CALHM3: variants seen among roughly 807,000 people sequenced by gnomAD.
The protein encoded by CALHM3 is calcium homeostasis modulator 3, also known as calcium homeostasis modulator protein 3.
In CALHM3, 9 loss-of-function variants were observed where a neutral mutation model predicts 13.6. That is an observed-to-expected ratio of 0.66 (90% CI 0.40 to 1.15). CALHM3 has a LOEUF of 1.15. Ranked by LOEUF, CALHM3 falls within the 50% of genes most tolerant of loss-of-function variation. The pLI, the probability that CALHM3 is intolerant of heterozygous loss-of-function variation, is 0.01. For synonymous variants in CALHM3, 231 were observed against 213.2 expected (o/e 1.08, Z -0.73); for missense variants, 497 against 463.4 (o/e 1.07, Z -0.67).
At position 103,478,777 on chromosome 10, in the gene CALHM3, C is replaced by A; in HGVS notation, c.256G>T (p.Gly86Trp). ...VMVEEWRRPA[G>W]HRRKDPGIIR... is the part of the protein sequence containing the mutation. ...ATGCCTGGGTCCTTCCTCCGGTGCC[C>A]TGCGGGCCGGCGCCACTCCTCGACC... Residue 86 changes from glycine (G) to tryptophan (W), a missense_variant, in exon 1 of 3, where the codon GGG becomes TGG. Coordinates refer to ENST00000369783, the MANE Select transcript of CALHM3 (RefSeq NM_001129742.2). The A allele has an allele frequency of 6.5e-7, 1 of 1,545,808 alleles. No individual in the cohort carries two copies. The highest frequency in any genetic ancestry group is 8.7e-7 in the Non-Finnish European group (1 of 1,143,790).
chr10:103,474,287 A>G (rs190814666), intron 2 of CALHM3, among the ~76,000 whole-genome samples: 1 of 151,878 alleles, frequency 6.6e-6, no homozygotes, highest in Admixed American at 6.6e-5. Flanking sequence ...TAAATTCGTC[A>G]TCTTCCCATC....
chr10:103,476,255 G>A, intron 2 of CALHM3, 39 bp downstream of exon 2: 4 of 1,547,942 alleles, frequency 2.6e-6, no homozygotes, highest in Non-Finnish European at 3.5e-6. Flanking sequence ...CGGGGGATTT[G>A]TGAGGGTGCA....
chr10:103,475,812 G>A (rs1381089163), intron 2 of CALHM3, among the ~76,000 whole-genome samples: 1 of 152,228 alleles, frequency 6.6e-6, no homozygotes, highest in Non-Finnish European at 1.5e-5. Flanking sequence ...TAGAGCTGGG[G>A]TTTGTCCCCC....
intron 1 of CALHM3, 59 bp downstream of exon 1, chr10:103,478,687 G>T: frequency 6.9e-7 from 1 of 1,452,920 alleles, no homozygotes; most frequent in Non-Finnish European, 9.2e-7. Flanking sequence ...CAGTGCCTGT[G>T]GGGTGGCTGG....
chr10:103,475,467 A>G (rs1267641700), intron 2 of CALHM3, among the ~76,000 whole-genome samples: 1 of 152,182 alleles, frequency 6.6e-6, no homozygotes, highest in Non-Finnish European at 1.5e-5. Flanking sequence ...GAAAGCCTAG[A>G]GTTTTGAAGC....
rs1237203113 is a variant in CALHM3 at position 103,473,690 on chromosome 10, G to A, written c.558C>T (p.Ser186=). The A allele has an allele frequency of 6.5e-7, 1 of 1,547,188 alleles. No individual in the cohort carries two copies. The change falls in exon 3 of 3, where the codon AGC becomes AGT. Residue 186 remains serine, a synonymous_variant. Coordinates refer to ENST00000369783, the MANE Select transcript of CALHM3 (RefSeq NM_001129742.2). ...LRCLSQAIGW[S]VTLLLIIAAF... is the part of the protein sequence containing the mutation. ...CCGCGATGATCAGCAGCAGGGTGAC[G>A]CTCCAGCCGATGGCCTGCAAAGTAA...
rs1053655148 is a variant in CALHM3 at position 103,478,887 on chromosome 10, G to C, written c.146C>G (p.Ala49Gly). The C allele has an allele frequency of 6.4e-7, 1 of 1,551,762 alleles. No homozygotes were observed. Among genetic ancestry groups the C allele is most frequent in the Non-Finnish European group, 8.7e-7 (1 of 1,147,008 alleles). Residue 49 changes from alanine to glycine, a missense_variant, in exon 1 of 3, where the codon GCA becomes GGA. Physicochemically the swap from Ala to Gly is moderately conservative, Grantham distance 60. Transcript: ENST00000369783. ...FNCPCLVHYNALYGLGLLLTP... is the reference protein window; with the variant it reads ...FNCPCLVHYNGLYGLGLLLTP... ...CAGCAGCAGGCCCAGGCCGTAGAGT[G>C]CATTGTAGTGCACCAGGCAGGGACA...
At chr10:103,475,882 G>T (rs1335508325) in intron 2 of CALHM3, among the ~76,000 whole-genome samples, 1 of 152,110 alleles carries the variant, frequency 6.6e-6, no homozygotes, top group African/African-American at 2.4e-5. Flanking sequence ...CTGCATTGTT[G>T]GAAGGTGGTT....
In CALHM3 at chr10:103,473,364, C is replaced by T. The variant is rs2033345813; in HGVS notation, c.884G>A (p.Arg295Gln). ...GCTTAGGAGGCGGTCCACCTGCTCC[C>T]GGCTGGAGATTGCGCGCAGGTGGGC... ...GKAHLRAISS[R>Q]EQVDRLLSTW... is the part of the protein sequence containing the mutation. Residue 295 changes from arginine to glutamine, a missense_variant, in exon 3 of 3, where the codon CGG (arginine) becomes CAG (glutamine). By Grantham distance (43) the Arg-to-Gln change is conservative (BLOSUM62 1). Coordinates refer to ENST00000369783, the MANE Select transcript of CALHM3 (RefSeq NM_001129742.2). 6.7e-7 allele frequency: 1 copy of T among 1,500,684 alleles called. No individual in the cohort carries two copies. Among genetic ancestry groups the T allele is most frequent in the Non-Finnish European group, 8.9e-7 (1 of 1,119,540 alleles). 93.0% of individuals were successfully genotyped at this position (1,500,684 alleles called of 1,614,324 possible).
Position 103,473,696 on chromosome 10 carries a change from G to GC in CALHM3, c.551dup (p.Trp185LeufsTer49). The GC allele has an allele frequency of 6.5e-7, 1 of 1,546,382 alleles. No individual in the cohort carries two copies. Among genetic ancestry groups the GC allele is most frequent in the Non-Finnish European group, 8.7e-7 (1 of 1,145,068 alleles). On this transcript the variant is annotated frameshift_variant, in exon 3 of 3. Coordinates refer to ENST00000369783, the MANE Select transcript of CALHM3 (RefSeq NM_001129742.2). LOFTEE classifies it low-confidence loss of function (END_TRUNC). ...TGATCAGCAGCAGGGTGACGCTCCA[G>GC]CCGATGGCCTGCAAAGTAAGGAGGC...
intron 2 of CALHM3, among the ~76,000 whole-genome samples, chr10:103,474,313 C>T (rs1255331393): frequency 6.6e-6 from 1 of 152,192 alleles, no homozygotes; most frequent in Admixed American, 6.5e-5. Context: ...AAGCTCCTAA[C>T]TATCCTTCCA....
Position 103,476,166 on chromosome 10 carries a change from C to T in CALHM3, c.543+128G>A, listed in dbSNP as rs1374593520. On this transcript the variant is annotated intron_variant, in intron 2 of 2. Transcript: ENST00000369783. ...CAAGGCAGAGCAGTGGTCTCCAGCA[C>T]TTCCCTGCCTCCTGGGAATGGGCTG... 3 of 1,325,648 alleles carry T rather than the reference C, an allele frequency of 2.3e-6. No individual in the cohort carries two copies. The African/African-American group carries it at 4.4e-5, about 19-fold the overall frequency. 82.1% of individuals were successfully genotyped at this position (1,325,648 alleles called of 1,614,324 possible).
At position 103,473,570 on chromosome 10, in the gene CALHM3, G is replaced by C; in HGVS notation, c.678C>G (p.Leu226=). 6.4e-7 allele frequency: 1 copy of C among 1,551,346 alleles called. No homozygotes were observed. The highest frequency in any genetic ancestry group is 1.2e-5 in the South Asian group (1 of 84,060). ...CATGCTCACAGCAGGTCTCGTCGAA[G>C]AGCTTCTGCTCCAGGTCCACGTAGT... ...WSNYVDLEQK[L]FDETCCEHAR... is the part of the protein sequence containing the mutation. The change falls in exon 3 of 3, where the codon CTC becomes CTG. Residue 226 remains leucine, a synonymous_variant. Transcript: ENST00000369783.
chr10:103,479,019 C>A lies in CALHM3; in HGVS notation c.14G>T (p.Arg5Leu). The A allele has an allele frequency of 4.5e-6, 7 of 1,549,764 alleles. No individual in the cohort carries two copies. In the Middle Eastern group the frequency reaches 5.0e-4, roughly 111 times the overall value. The part of the protein sequence containing the change: MDKF[R>L]MLFQHFQSSS... ...TGACTGGAAGTGCTGGAAGAGCATG[C>A]GGAATTTATCCATGGCTCCAGCCTG... Residue 5 changes from arginine (R) to leucine (L), a missense_variant, in exon 1 of 3, where the codon CGC becomes CTC. Arg to Leu is a moderately radical substitution (Grantham distance 102, BLOSUM62 -2). Coordinates refer to ENST00000369783, the MANE Select transcript of CALHM3 (RefSeq NM_001129742.2).
chr10:103,473,282 C>A lies in CALHM3; in HGVS notation c.966G>T (p.Gly322=). The A allele has an allele frequency of 6.8e-7, 1 of 1,464,568 alleles. No homozygotes were observed. The highest frequency in any genetic ancestry group is 1.4e-5 in the South Asian group (1 of 69,714). The allele number at this position is 1,464,568 out of a possible 1,614,324, so 90.7% of individuals were successfully genotyped here. A position where few individuals can be genotyped will look rare whatever the true frequency, so the allele number is the denominator to read the frequency against. The part of the protein sequence containing the change: ...LDLAASPGLC[G]GGLSHRAPTL... ...TAGGGGCGCGGTGGCTAAGGCCACC[C>A]CCGCAGAGCCCGGGGGATGCAGCCA... Residue 322 remains glycine (G), a synonymous_variant, in exon 3 of 3, where the codon GGG becomes GGT. Coordinates refer to ENST00000369783, the MANE Select transcript of CALHM3 (RefSeq NM_001129742.2).
intron 2 of CALHM3, among the ~76,000 whole-genome samples, 170 bp downstream of exon 2, chr10:103,476,124 T>C (rs1257972673): frequency 6.6e-6 from 1 of 152,182 alleles, no homozygotes; most frequent in African/African-American, 2.4e-5. Context: ...GGGAAGAAGG[T>C]GTGCAGTGGG....
intron 2 of CALHM3, among the ~76,000 whole-genome samples, chr10:103,475,692 C>T (rs2033379634): frequency 6.6e-6 from 1 of 152,218 alleles, no homozygotes; most frequent in Non-Finnish European, 1.5e-5. Flanking sequence ...ATCTATAGCC[C>T]TAGTGGTGCT....
intron 1 of CALHM3, among the ~76,000 whole-genome samples, chr10:103,477,049 A>C (rs962247412): frequency 1.3e-5 from 2 of 152,202 alleles, no homozygotes; most frequent in African/African-American, 4.8e-5. Flanking sequence ...GATGTGTTCT[A>C]TGCATGCCCT....
chr10:103,476,297 T>G lies in CALHM3; in HGVS notation c.540A>C (p.Ser180=). ...GGGGGAGGATCACCCCAGTTACCTGTGACAGGCACCGCAGGTAGCGAGACA... is the reference window on the plus strand; with the variant it reads ...GGGGGAGGATCACCCCAGTTACCTGGGACAGGCACCGCAGGTAGCGAGACA... ...KAVSRYLRCL[S]QAIGWSVTLL... is the part of the protein sequence containing the mutation. Residue 180 remains serine (S), a synonymous_variant, in exon 2 of 3, where the codon TCA becomes TCC. Coordinates refer to ENST00000369783, the MANE Select transcript of CALHM3 (RefSeq NM_001129742.2). 6.4e-7 allele frequency: 1 copy of G among 1,551,310 alleles called. No individual in the cohort carries two copies. Among genetic ancestry groups the G allele is most frequent in the Non-Finnish European group, 8.7e-7 (1 of 1,146,954 alleles).
Sources: gnomAD v4.1 joint callset for allele counts (sites outside exome capture counted in the v4.1 genomes callset) on GRCh38, gnomAD v4.1.1 for gene constraint, MANE v1.5 for transcripts, NCBI Gene and HGNC (gene_info 2026-07-23, HGNC 2026-07-21) for gene names.